The following ZFHX2 variants were observed in gnomAD, a reference collection of about 807,000 sequenced individuals.
ZFHX2 encodes the protein zinc finger homeobox 2, also known as zinc finger homeobox protein 2.
A neutral mutation model predicts 164.8 loss-of-function variants in ZFHX2; 75 were observed. That is an observed-to-expected ratio of 0.46 (90% CI 0.38 to 0.55). The LOEUF is 0.55. Among genes scored for constraint, ZFHX2 ranks in the 20% least tolerant of loss-of-function variants. The pLI is 0.00. For missense variants in ZFHX2, 2,933 were observed against 3,308.0 expected, an observed-to-expected ratio of 0.89 and a Z score of 2.78; for synonymous variants, 1,217 against 1,351.4, an observed-to-expected ratio of 0.90 and a Z score of 2.18.
rs1161373294 is a variant in ZFHX2 at position 23,521,199 on chromosome 14, G to A, written c.*763C>T. 1 of 152,418 alleles carries A rather than the reference G, an allele frequency of 6.6e-6. No homozygotes were observed. Among genetic ancestry groups the A allele is most frequent in the African/African-American group, 2.4e-5 (1 of 41,422 alleles). The allele number at this position is 152,418 out of a possible 1,614,324, so 9.4% of individuals were successfully genotyped here. ...AGGGATTGGCAGAGGGGTTTCTGGT[G>A]GCGGCATCCCCTAGAGTCCAGGCCA... On this transcript the variant is annotated 3_prime_UTR_variant, in exon 10 of 10. Transcript: ENST00000419474.
chr14:23,531,779 G>T, intron 3 of ZFHX2, 58 bp from the exon 4 acceptor site: 1 of 1,272,626 alleles, frequency 7.9e-7, no homozygotes, highest in South Asian at 3.0e-5. Context: ...GACCTCAGGG[G>T]ACTTTTTTTT....
intron 3 of ZFHX2, 135 bp from the exon 4 acceptor site, chr14:23,531,856 A>G (rs1310713566): frequency 4.3e-6 from 5 of 1,153,144 alleles, no homozygotes; most frequent in Non-Finnish European, 5.5e-6. Flanking sequence ...CTACTCACTG[A>G]AGCCTCTACC....
rs1251061681 is a variant in ZFHX2 at position 23,533,303 on chromosome 14, G to A, written c.2023C>T (p.Arg675Cys). 24 of 1,436,882 alleles carry A rather than the reference G, an allele frequency of 1.7e-5. No homozygotes were observed. The highest frequency in any genetic ancestry group is 5.9e-5 in the South Asian group (4 of 67,394). The allele number at this position is 1,436,882 out of a possible 1,614,324, so 89.0% of individuals were successfully genotyped here. A position where few individuals can be genotyped will look rare whatever the true frequency, so the allele number is the denominator to read the frequency against. Residue 675 changes from arginine to cysteine, a missense_variant, in exon 2 of 10, where the codon CGC becomes TGC. Coordinates refer to ENST00000419474, the MANE Select transcript of ZFHX2 (RefSeq NM_033400.3). This position sits in a 1 kb window ranked among gnomAD's most constrained non-coding sequence, Gnocchi z 4.8. Reference sequence around the variant, plus strand: ...AGCTTACCGGATGTGGGGAACTTGCGGGCAGGTGCTCCTACGTGGTGGAAA... The same window carrying A: ...AGCTTACCGGATGTGGGGAACTTGCAGGCAGGTGCTCCTACGTGGTGGAAA... ...NGFHHVGAPA[R>C]KFPTSAPGSL...
At chr14:23,550,334 C>T (rs765528138) in intron 1 of ZFHX2, among the ~76,000 whole-genome samples, 3 of 152,214 alleles carry the variant, frequency 2.0e-5, no homozygotes, top group Non-Finnish European at 4.4e-5. Flanking sequence ...ACAATCATGA[C>T]TGATAAGCAA....
chr14:23,524,507 A>C lies in ZFHX2; in HGVS notation c.5435T>G (p.Phe1812Cys). 1 of 1,527,488 alleles carries C rather than the reference A, an allele frequency of 6.5e-7. No individual in the cohort carries two copies. Among genetic ancestry groups the C allele is most frequent in the Non-Finnish European group, 8.8e-7 (1 of 1,142,198 alleles). 94.6% of individuals were successfully genotyped at this position (1,527,488 alleles called of 1,614,324 possible). ...PQLLDLPLLV[F>C]GERNPLVAAT... is the part of the protein sequence containing the mutation. ...TGCCACCAGGGGGTTTCTCTCCCCA[A>C]ACACCAGCAAGGGCAGATCTAGGAG... The change falls in exon 9 of 10, where the codon TTT becomes TGT. Residue 1812 changes from phenylalanine to cysteine, a missense_variant. Coordinates refer to ENST00000419474, the MANE Select transcript of ZFHX2 (RefSeq NM_033400.3). This position sits in a 1 kb window ranked among gnomAD's most constrained non-coding sequence, Gnocchi z 5.6.
chr14:23,527,738 A>G lies in ZFHX2; in HGVS notation c.3001T>C (p.Ser1001Pro). Residue 1001 changes from serine (S) to proline (P), a missense_variant, in exon 7 of 10, where the codon TCC becomes CCC. Transcript: ENST00000419474. ...TACTTGGGCTGCACTGCATGCTGGGAGAGTGTATGAGCCCTCACCTGGCTG... is the reference window on the plus strand; with the variant it reads ...TACTTGGGCTGCACTGCATGCTGGGGGAGTGTATGAGCCCTCACCTGGCTG... ...ESSQVRAHTL[S>P]QHAVQPKYRC... The G allele has an allele frequency of 6.5e-7, 1 of 1,536,008 alleles. No homozygotes were observed. Among genetic ancestry groups the G allele is most frequent in the East Asian group, 2.4e-5 (1 of 40,894 alleles).
chr14:23,551,883 G>T (rs1881989777), upstream of ZFHX2, among the ~76,000 whole-genome samples: 1 of 152,162 alleles, frequency 6.6e-6, no homozygotes, highest in African/African-American at 2.4e-5. The surrounding 1 kb of genome is among the most constrained non-coding windows in gnomAD (Gnocchi z 5.3). Flanking sequence ...GCGGGACCCA[G>T]GGCCGGGGGC....
intron 5 of ZFHX2, 135 bp from the exon 6 acceptor site, chr14:23,529,903 G>A (rs1214872347): frequency 9.9e-7 from 1 of 1,007,784 alleles, no homozygotes; most frequent in Non-Finnish European, 1.5e-6. Context: ...GCTTGGCAAG[G>A]GCTGACTCCG....
Position 23,525,751 on chromosome 14 carries a change from TGGA to T in ZFHX2, c.4188_4190del (p.Pro1398del). On this transcript the variant is annotated inframe_deletion, in exon 9 of 10. Coordinates refer to ENST00000419474, the MANE Select transcript of ZFHX2 (RefSeq NM_033400.3). The surrounding 1 kb of genome is among the most constrained non-coding windows in gnomAD (Gnocchi z 5.9). ...CCAGCTCAGCCTTGGGAGGTTGGGGTGGAGGAGGAGGGGTGGCAGCTGGCAGGG... is the reference window on the plus strand; with the variant it reads ...CCAGCTCAGCCTTGGGAGGTTGGGGTGGAGGAGGGGTGGCAGCTGGCAGGG... The T allele has an allele frequency of 6.6e-7, 1 of 1,507,226 alleles. No homozygotes were observed. Among genetic ancestry groups the T allele is most frequent in the East Asian group, 2.5e-5 (1 of 40,620 alleles). The allele number at this position is 1,507,226 out of a possible 1,614,324, so 93.4% of individuals were successfully genotyped here.
At position 23,522,076 on chromosome 14, in the gene ZFHX2, G is replaced by A; in HGVS notation, c.7605C>T (p.Thr2535=). ...PPQGGPPISI[T]NAATAASAAV... ...CAGCCGAGGCAGCAGTGGCGGCGTT[G>A]GTGATGGAGATGGGTGGGCCCCCTT... Residue 2535 remains threonine (T), a synonymous_variant, in exon 10 of 10, where the codon ACC becomes ACT. Coordinates refer to ENST00000419474, the MANE Select transcript of ZFHX2 (RefSeq NM_033400.3). 1 of 1,536,306 alleles carries A rather than the reference G, an allele frequency of 6.5e-7. No individual in the cohort carries two copies. Among genetic ancestry groups the A allele is most frequent in the South Asian group, 1.2e-5 (1 of 84,058 alleles).
Position 23,551,760 on chromosome 14 carries a change from T to C in ZFHX2, c.-467A>G, listed in dbSNP as rs1566598447. 1 of 152,778 alleles carries C rather than the reference T, an allele frequency of 6.5e-6. No homozygotes were observed. Among genetic ancestry groups the C allele is most frequent in the African/African-American group, 2.4e-5 (1 of 41,342 alleles). 9.5% of individuals were successfully genotyped at this position (152,778 alleles called of 1,614,324 possible). A position where few individuals can be genotyped will look rare whatever the true frequency, so the allele number is the denominator to read the frequency against. ...GCTGGAGTCTAGGCGTCCCACACAA[T>C]GGAATAATCAATACCCAGGCGCCCG... On this transcript the variant is annotated 5_prime_UTR_variant, in exon 1 of 10. Transcript: ENST00000419474. This position sits in a 1 kb window ranked among gnomAD's most constrained non-coding sequence, Gnocchi z 5.3.
rs1471731202 is a variant in ZFHX2 at position 23,526,056 on chromosome 14, T to C, written c.3886A>G (p.Lys1296Glu). The C allele has an allele frequency of 6.5e-7, 1 of 1,536,550 alleles. No homozygotes were observed. Among genetic ancestry groups the C allele is most frequent in the Non-Finnish European group, 8.7e-7 (1 of 1,146,970 alleles). The change falls in exon 9 of 10, where the codon AAG (lysine) becomes GAG (glutamate). Residue 1296 changes from lysine (K) to glutamate (E), a missense_variant. Physicochemically the swap from Lys to Glu is moderately conservative, Grantham distance 56. Transcript: ENST00000419474. The stretch of plus-strand genomic sequence containing the variant: ...ACCTCCCCCTCTGTCTCGCCTTCCT[T>C]GGGCTCTTCTTGGCTGCGTTCTGGC... ...EGPERSQEEP[K>E]EGETEGEVGT...
upstream of ZFHX2, among the ~76,000 whole-genome samples, chr14:23,552,945 C>T (rs763937541): frequency 1.3e-5 from 2 of 152,178 alleles, no homozygotes; most frequent in Non-Finnish European, 2.9e-5. Flanking sequence ...CTTGAATGCA[C>T]AGGGACAGTT....
At chr14:23,549,683 C>T (rs529505824) in intron 1 of ZFHX2, among the ~76,000 whole-genome samples, 1 of 152,230 alleles carries the variant, frequency 6.6e-6, no homozygotes, top group South Asian at 2.1e-4. Flanking sequence ...AGCTTAGAGT[C>T]CTAGGGAATG....
At position 23,523,715 on chromosome 14, in the gene ZFHX2, T is replaced by G. The variant is rs1378829976; in HGVS notation, c.6227A>C (p.Gln2076Pro). The change falls in exon 9 of 10, where the codon CAG becomes CCG. Residue 2076 changes from glutamine to proline, a missense_variant. Gln to Pro is a moderately conservative substitution (Grantham distance 76). Transcript: ENST00000419474. The surrounding 1 kb of genome is among the most constrained non-coding windows in gnomAD (Gnocchi z 4.1). ...RRYRTQMSSL[Q>P]LKIMKACYEA... ...ATAGCAGGCTTTCATGATCTTCAGCTGCAGGCTGCTCATCTGGGTCCTGTA... is the reference window on the plus strand; with the variant it reads ...ATAGCAGGCTTTCATGATCTTCAGCGGCAGGCTGCTCATCTGGGTCCTGTA... The G allele has an allele frequency of 6.5e-7, 1 of 1,536,514 alleles. No individual in the cohort carries two copies. The highest frequency in any genetic ancestry group is 8.7e-7 in the Non-Finnish European group (1 of 1,147,020).
At chr14:23,530,050 T>C in intron 5 of ZFHX2, 70 bp downstream of exon 5, 1 of 1,383,472 alleles carries the variant, frequency 7.2e-7, no homozygotes, top group Admixed American at 2.0e-5. Flanking sequence ...GCTGGGCTCC[T>C]GGATTACTGC....
chr14:23,553,927 GGTGGCAC>G (rs1398787428), upstream of ZFHX2, among the ~76,000 whole-genome samples: 3 of 151,770 alleles, frequency 2.0e-5, no homozygotes, highest in African/African-American at 7.3e-5. Flanking sequence ...AGGAGGGTGG[GGTGGCAC>G]GTGCCTGTAG....
At chr14:23,545,829 G>C (rs1881326705) in intron 1 of ZFHX2, among the ~76,000 whole-genome samples, 2 of 152,224 alleles carry the variant, frequency 1.3e-5, no homozygotes, top group African/African-American at 4.8e-5. Context: ...AGAGGCTTGA[G>C]ATTAGGGAAA....
chr14:23,527,092 C>T lies in ZFHX2; in HGVS notation c.3136-119G>A, dbSNP rs188543669. ...AGATCCCTTGCCACAGATCCAGCCTCCTGTCTGAACAAACCTCCCACCTAA... is the reference window on the plus strand; with the variant it reads ...AGATCCCTTGCCACAGATCCAGCCTTCTGTCTGAACAAACCTCCCACCTAA... On this transcript the variant is annotated intron_variant, in intron 7 of 9. Coordinates refer to ENST00000419474, the MANE Select transcript of ZFHX2 (RefSeq NM_033400.3). 1.5e-3 allele frequency: 2,083 copies of T among 1,369,594 alleles called. 5 individuals carry two copies. The highest frequency in any genetic ancestry group is 2.9e-3 in the Admixed American group (88 of 30,078). 84.8% of individuals were successfully genotyped at this position (1,369,594 alleles called of 1,614,324 possible).
Sources: gnomAD v4.1 joint callset for allele counts (sites outside exome capture counted in the v4.1 genomes callset) on GRCh38, gnomAD v4.1.1 for gene constraint, Gnocchi (gnomAD v3.1) non-coding constraint, MANE v1.5 for transcripts, NCBI Gene and HGNC (gene_info 2026-07-23, HGNC 2026-07-21) for gene names.